Variants in TLE2 observed in about 807,000 individuals in gnomAD.
The protein encoded by TLE2 is TLE family member 2, transcriptional corepressor, also known as transducin-like enhancer protein 2.
TLE2 carries 74 observed loss-of-function variants against 97.2 expected under a neutral mutation model. The observed-to-expected ratio is 0.76, with a 90% CI of 0.63 to 0.92. The LOEUF (loss-of-function observed/expected upper bound fraction) is 0.92, where lower values mean the gene tolerates loss of function less well. Among genes scored for constraint, TLE2 ranks in the 40% least tolerant of loss-of-function variants. The pLI, the probability that TLE2 is intolerant of heterozygous loss-of-function variation, is 0.00. For synonymous variants in TLE2, 499 were observed against 432.1 expected (o/e 1.15, Z -1.92); for missense variants, 1,038 against 1,008.7 (o/e 1.03, Z -0.39).
intron 4 of TLE2, among the ~76,000 whole-genome samples, chr19:3,025,925 C>A (rs1213092961): frequency 6.6e-6 from 1 of 152,088 alleles, no homozygotes; most frequent in Non-Finnish European, 1.5e-5. Context: ...GGAAAGCATG[C>A]CAGGGTGGGC....
At chr19:3,002,251 A>C in intron 18 of TLE2, 102 bp downstream of exon 18, 1 of 1,376,986 alleles carries the variant, frequency 7.3e-7, no homozygotes, top group Non-Finnish European at 9.6e-7. Context: ...AACTTAGTAT[A>C]TAAATAACAT....
chr19:3,020,785 C>T (rs1341025871), intron 5 of TLE2, among the ~76,000 whole-genome samples: 6 of 151,966 alleles, frequency 3.9e-5, no homozygotes, highest in Non-Finnish European at 7.4e-5. Flanking sequence ...GACTCTGCTG[C>T]GAGAAAATGT....
intron 7 of TLE2, among the ~76,000 whole-genome samples, chr19:3,018,578 C>T (rs1466331568): frequency 1.3e-5 from 2 of 151,800 alleles, no homozygotes; most frequent in African/African-American, 4.8e-5. Flanking sequence ...CAGGCGTGAA[C>T]CACCGTGCCT....
intron 11 of TLE2, 138 bp from the exon 12 acceptor site, chr19:3,011,298 C>T (rs1028389702): frequency 2.9e-5 from 27 of 925,546 alleles, no homozygotes; most frequent in Non-Finnish European, 3.9e-5. Context: ...GAGGCCCAGT[C>T]GGGCGGATCA....
In TLE2 at chr19:3,009,557, G is replaced by T. The variant is rs367997123; in HGVS notation, c.1158C>A (p.Tyr386Ter). The T allele has an allele frequency of 6.2e-7, 1 of 1,611,434 alleles. No individual in the cohort carries two copies. The highest frequency in any genetic ancestry group is 8.5e-7 in the Non-Finnish European group (1 of 1,178,960). ...LSPQVSSSVVYGRSPVMAFES... is the reference protein window; with the variant it reads ...LSPQVSSSVV ...AAGGACTCACCACGGGGGAGCGTCC[G>T]TACACCACAGAGCTGCTGACCTGGG... is the stretch of plus-strand genomic sequence containing the variant. Residue 386 changes from tyrosine to a stop codon, truncating the protein, a stop_gained, in exon 13 of 20, where the codon TAC (tyrosine) becomes TAA (stop). Transcript: ENST00000262953. LOFTEE classifies it high-confidence loss of function.
In TLE2 at chr19:2,997,747, C is replaced by T. The variant is rs746517883; in HGVS notation, c.*101G>A. ...TTGGCCAGAGAGCAGATGGGATGTA[C>T]GGTTCCTAGGCAGGGCTGGGAGGCG... On this transcript the variant is annotated 3_prime_UTR_variant, in exon 20 of 20. Transcript: ENST00000262953. The T allele has an allele frequency of 3.4e-5, 28 of 831,374 alleles. No homozygotes were observed. The highest frequency in any genetic ancestry group is 4.2e-5 in the Non-Finnish European group (21 of 502,304). 51.5% of individuals were successfully genotyped at this position (831,374 alleles called of 1,614,324 possible). A position where few individuals can be genotyped will look rare whatever the true frequency, so the allele number is the denominator to read the frequency against.
Position 3,028,695 on chromosome 19 carries a change from GC to G in TLE2, c.122+10del. On this transcript the variant is annotated intron_variant, in intron 2 of 19. Coordinates refer to ENST00000262953, the MANE Select transcript of TLE2 (RefSeq NM_003260.5). ...GTGAACTCCCGCGGCCCCTGGGGCGGCCCCCCTCACCTGTGGTATTGAGCCT... is the reference window on the plus strand; with the variant it reads ...GTGAACTCCCGCGGCCCCTGGGGCGGCCCCCTCACCTGTGGTATTGAGCCT... The G allele has an allele frequency of 6.2e-7, 1 of 1,612,310 alleles. No individual in the cohort carries two copies. Among genetic ancestry groups the G allele is most frequent in the Non-Finnish European group, 8.5e-7 (1 of 1,179,556 alleles).
chr19:2,997,944 C>A lies in TLE2; in HGVS notation c.2136G>T (p.Ser712=). The A allele has an allele frequency of 6.2e-7, 1 of 1,611,654 alleles. No homozygotes were observed. The highest frequency in any genetic ancestry group is 8.5e-7 in the Non-Finnish European group (1 of 1,178,822). The change falls in exon 20 of 20, where the codon TCG becomes TCT. Residue 712 remains serine (S), a synonymous_variant. Coordinates refer to ENST00000262953, the MANE Select transcript of TLE2 (RefSeq NM_003260.5). ...YGASIFQSKE[S]SSVLSCDISR... The stretch of plus-strand genomic sequence containing the variant: ...AGATGTCACAACTCAGGACTGAGGA[C>A]GACTCCTTGGACTGCCAAGGGAAGG...
At chr19:3,001,498 T>TA (rs545441128) in intron 18 of TLE2, among the ~76,000 whole-genome samples, 23 of 152,040 alleles carry the variant, frequency 1.5e-4, no homozygotes, top group African/African-American at 5.1e-4. Context: ...GATTTTTTTT[T>TA]AAAAAGAGAT....
upstream of TLE2, chr19:3,047,565 T>C (rs930225360): frequency 9.2e-5 from 14 of 151,836 alleles, no homozygotes; most frequent in African/African-American, 3.4e-4. Flanking sequence ...ATACTTACTA[T>C]TGTTATTATT....
At position 3,002,482 on chromosome 19, in the gene TLE2, G is replaced by C; in HGVS notation, c.1918C>G (p.Pro640Ala). The C allele has an allele frequency of 6.3e-7, 1 of 1,588,476 alleles. No homozygotes were observed. The highest frequency in any genetic ancestry group is 8.6e-7 in the Non-Finnish European group (1 of 1,167,688). ...SSQIFSLGHC[P>A]NQDWLAVGME... ...CCGACCGCCAGCCAGTCCTGGTTAG[G>C]GCAGTGGCCCAGGGAGAAAATCTGG... Residue 640 changes from proline to alanine, a missense_variant, in exon 18 of 20, where the codon CCT becomes GCT. Pro to Ala is a conservative substitution (Grantham distance 27). Coordinates refer to ENST00000262953, the MANE Select transcript of TLE2 (RefSeq NM_003260.5).
At position 3,006,450 on chromosome 19, in the gene TLE2, G is replaced by C. The variant is rs375095902; in HGVS notation, c.1470C>G (p.Ala490=). The C allele has an allele frequency of 4.7e-4, 755 of 1,610,646 alleles. 2 individuals are homozygous for C. In the African/African-American group the frequency reaches 9.0e-3, roughly 19 times the overall value. ...VKVWDVGQPG[A]KTPVAQLDCL... ...AGTCGAGCTGGGCCACGGGCGTCTTGGCCCCAGGCTGGCCCACGTCCCACA... is the reference window on the plus strand; with the variant it reads ...AGTCGAGCTGGGCCACGGGCGTCTTCGCCCCAGGCTGGCCCACGTCCCACA... Residue 490 remains alanine (A), a synonymous_variant, in exon 15 of 20, where the codon GCC becomes GCG. Coordinates refer to ENST00000262953, the MANE Select transcript of TLE2 (RefSeq NM_003260.5).
At chr19:3,025,942 AG>A (rs1398498417) in intron 4 of TLE2, among the ~76,000 whole-genome samples, 1 of 151,980 alleles carries the variant, frequency 6.6e-6, no homozygotes, top group East Asian at 1.9e-4. Context: ...GGGCAACCCC[AG>A]GCACCCCACA....
At chr19:3,004,139 G>A (rs905742529) in intron 17 of TLE2, among the ~76,000 whole-genome samples, 11 of 152,198 alleles carry the variant, frequency 7.2e-5, no homozygotes, top group African/African-American at 2.7e-4. Context: ...CACATTTGCA[G>A]AAGAGAAGAC....
upstream of TLE2, among the ~76,000 whole-genome samples, chr19:3,033,327 C>A (rs2090040304): frequency 1.3e-5 from 2 of 152,104 alleles, no homozygotes; most frequent in Admixed American, 6.6e-5. Context: ...ACCACCACGC[C>A]CAGCTAATTT....
intron 19 of TLE2, among the ~76,000 whole-genome samples, chr19:3,000,218 C>T (rs576052668): frequency 6.6e-5 from 10 of 150,722 alleles, no homozygotes; most frequent in African/African-American, 2.4e-4. Flanking sequence ...ACTACAGGCG[C>T]CCACCACCAC....
chr19:3,043,666 C>T (rs1350079557), intron 1 of TLE2, among the ~76,000 whole-genome samples: 2 of 151,260 alleles, frequency 1.3e-5, no homozygotes, highest in African/African-American at 2.4e-5. Context: ...AAAAATTAGC[C>T]AGGCATGGTG....
chr19:3,001,619 G>A (rs957880090), intron 18 of TLE2, among the ~76,000 whole-genome samples: 1 of 151,620 alleles, frequency 6.6e-6, no homozygotes, highest in Non-Finnish European at 1.5e-5. Context: ...CCTCGTACCT[G>A]GCACTACAGG....
intron 1 of TLE2, among the ~76,000 whole-genome samples, chr19:3,042,209 C>T (rs1456804288): frequency 5.7e-5 from 4 of 70,746 alleles, no homozygotes; most frequent in African/African-American, 5.7e-5. Context: ...AAGGGGGAGG[C>T]GGCAAAGGGG....
Sources: allele counts gnomAD v4.1 joint callset (sites outside exome capture counted in the v4.1 genomes callset), GRCh38; gene constraint gnomAD v4.1.1; transcripts MANE v1.5; gene names NCBI Gene and HGNC (gene_info 2026-07-23, HGNC 2026-07-21).